Variants in RFWD3 observed in about 807,000 individuals in gnomAD.
RFWD3 encodes the protein ring finger and WD repeat domain 3, also known as E3 ubiquitin-protein ligase RFWD3.
Under a neutral mutation model 87.7 loss-of-function variants are expected in RFWD3, and 65 were observed. That is an observed-to-expected ratio of 0.74 (90% CI 0.61 to 0.91). The LOEUF is 0.91. RFWD3 is among the 40% of genes least tolerant of loss of function. The pLI, the probability that RFWD3 is intolerant of heterozygous loss-of-function variation, is 0.00. For missense variants in RFWD3, 1,078 were observed against 938.5 expected, an observed-to-expected ratio of 1.15 and a Z score of -1.94; for synonymous variants, 433 against 352.8, an observed-to-expected ratio of 1.23 and a Z score of -2.55.
chr16:74,635,008 C>T (rs1463226162), intron 8 of RFWD3, among the ~76,000 whole-genome samples: 4 of 151,958 alleles, frequency 2.6e-5, no homozygotes, highest in Non-Finnish European at 5.9e-5. Context: ...TAGCCGGGCG[C>T]GGTGGCTCAC....
chr16:74,636,822 T>G (rs893914484), intron 7 of RFWD3, among the ~76,000 whole-genome samples: 1 of 151,832 alleles, frequency 6.6e-6, no homozygotes, highest in African/African-American at 2.4e-5. Context: ...CAAGCACTTC[T>G]GCCTCAGCCT....
intron 6 of RFWD3, among the ~76,000 whole-genome samples, chr16:74,642,490 C>T (rs1023025670): frequency 5.3e-5 from 8 of 151,334 alleles, no homozygotes; most frequent in Non-Finnish European, 8.8e-5. Flanking sequence ...CCTTCTTGAC[C>T]TGGTCAACAG....
chr16:74,640,713 G>C (rs1228145766), intron 6 of RFWD3, among the ~76,000 whole-genome samples: 1 of 151,828 alleles, frequency 6.6e-6, no homozygotes, highest in African/African-American at 2.4e-5. Flanking sequence ...GCCGAGGTGA[G>C]TGGATCACGA....
In RFWD3 at chr16:74,632,544, T is replaced by C; in HGVS notation, c.1556A>G (p.Asp519Gly). The change falls in exon 9 of 13, where the codon GAC (aspartate) becomes GGC (glycine). Residue 519 changes from aspartate to glycine, a missense_variant. Asp to Gly is a moderately conservative substitution (Grantham distance 94). Transcript: ENST00000361070. Reference sequence around the variant, plus strand: ...TCACCTGGTCAGTTTAATAGTGTTGTCTAGGGAAGCAGAGAGTAGCAAGCC... The same window carrying C: ...TCACCTGGTCAGTTTAATAGTGTTGCCTAGGGAAGCAGAGAGTAGCAAGCC... Reference protein sequence around the residue: ...LRGLLLSASLDNTIKLTSLET... With the variant: ...LRGLLLSASLGNTIKLTSLET... The C allele has an allele frequency of 6.2e-7, 1 of 1,613,946 alleles. No individual in the cohort carries two copies. Among genetic ancestry groups the C allele is most frequent in the Non-Finnish European group, 8.5e-7 (1 of 1,179,896 alleles).
intron 2 of RFWD3, among the ~76,000 whole-genome samples, chr16:74,658,151 A>G (rs977029076): frequency 6.6e-6 from 1 of 152,182 alleles, no homozygotes; most frequent in African/African-American, 2.4e-5. Flanking sequence ...GCACTTACCA[A>G]CTTTGAATTT....
At chr16:74,653,388 G>T (rs561368160) in intron 2 of RFWD3, among the ~76,000 whole-genome samples, 12 of 151,972 alleles carry the variant, frequency 7.9e-5, no homozygotes, top group Non-Finnish European at 1.6e-4. Context: ...GGCTGAGGCA[G>T]GAGGATCACT....
intron 6 of RFWD3, among the ~76,000 whole-genome samples, chr16:74,641,060 G>A (rs1033368826): frequency 6.6e-6 from 1 of 152,120 alleles, no homozygotes; most frequent in African/African-American, 2.4e-5. Flanking sequence ...AATTAAATGT[G>A]CCCTATAATA....
rs536100188 is a variant in RFWD3 at position 74,641,316 on chromosome 16, C to A, written c.1079+3046G>T. 6.6e-5 allele frequency among the ~76,000 whole-genome samples: 10 copies of A among 152,182 alleles called. No homozygotes were observed. The South Asian group carries it at 1.9e-3, about 28-fold the overall frequency. On this transcript the variant is annotated intron_variant, in intron 6 of 12. Coordinates refer to ENST00000361070, the MANE Select transcript of RFWD3 (RefSeq NM_018124.4). ...TAGCTGGGACTACAGGTGCGTGCCACCATGCCCGGCTAATTTTTGTATTTT... is the reference window on the plus strand; with the variant it reads ...TAGCTGGGACTACAGGTGCGTGCCAACATGCCCGGCTAATTTTTGTATTTT...
chr16:74,634,395 T>C (rs775355407), intron 8 of RFWD3, among the ~76,000 whole-genome samples: 1 of 151,800 alleles, frequency 6.6e-6, no homozygotes, highest in Non-Finnish European at 1.5e-5. Flanking sequence ...TATATATATA[T>C]ATATTTTGAG....
chr16:74,644,480 G>A (rs561796027), intron 5 of RFWD3, 27 bp from the exon 6 acceptor site: 14 of 1,614,036 alleles, frequency 8.7e-6, no homozygotes, highest in South Asian at 6.6e-5. Context: ...GACATAATTA[G>A]AGTGGTTCTA....
chr16:74,628,958 G>A (rs2144043997), intron 10 of RFWD3, among the ~76,000 whole-genome samples: 1 of 152,274 alleles, frequency 6.6e-6, no homozygotes, highest in South Asian at 2.1e-4. Flanking sequence ...AAGCTTGACT[G>A]ATGTGAAGCT....
chr16:74,633,597 G>A (rs564668844), intron 8 of RFWD3, among the ~76,000 whole-genome samples: 47 of 152,282 alleles, frequency 3.1e-4, no homozygotes, highest in South Asian at 6.2e-4. Flanking sequence ...GCTGGGGATG[G>A]GAGAGGAGGG....
At position 74,630,774 on chromosome 16, in the gene RFWD3, T is replaced by C. The variant is rs1406508114; in HGVS notation, c.1754+7A>G. 1.3e-6 allele frequency: 2 copies of C among 1,586,896 alleles called. No individual in the cohort carries two copies. Among genetic ancestry groups the C allele is most frequent in the South Asian group, 1.1e-5 (1 of 87,412 alleles). The stretch of plus-strand genomic sequence containing the variant: ...TACCACCAGGAAAAGAGTGAGTGGC[T>C]CCCTACCTGGCTTTCTGAGCTACTA... On this transcript the variant is annotated splice_region_variant and intron_variant, in intron 10 of 12. Coordinates refer to ENST00000361070, the MANE Select transcript of RFWD3 (RefSeq NM_018124.4).
At chr16:74,643,990 T>G (rs1412563701) in intron 6 of RFWD3, 1 of 282,588 alleles carries the variant, frequency 3.5e-6, no homozygotes, top group Non-Finnish European at 7.0e-6. Flanking sequence ...GCAACTGTTT[T>G]GTGCTTCCGA....
At chr16:74,627,394 C>T (rs1200425908) in intron 11 of RFWD3, among the ~76,000 whole-genome samples, 1 of 152,094 alleles carries the variant, frequency 6.6e-6, no homozygotes, top group Non-Finnish European at 1.5e-5. Flanking sequence ...GCCCACTTGT[C>T]CCTCCCCTCC....
intron 4 of RFWD3, among the ~76,000 whole-genome samples, chr16:74,646,848 G>T (rs954346729): frequency 6.6e-6 from 1 of 152,138 alleles, no homozygotes; most frequent in African/African-American, 2.4e-5. Flanking sequence ...CGAAGCGGGC[G>T]GATCACCAGG....
intron 4 of RFWD3, among the ~76,000 whole-genome samples, chr16:74,645,614 A>C (rs1960058454): frequency 6.6e-6 from 1 of 152,132 alleles, no homozygotes; most frequent in South Asian, 2.1e-4. Context: ...TGGTCTCCCA[A>C]AGTGCTGGGA....
intron 1 of RFWD3, chr16:74,664,725 GGAGA>G (rs781279588): frequency 6.6e-6 from 1 of 150,442 alleles, no homozygotes; most frequent in Non-Finnish European, 1.5e-5. Context: ...CTCCAGACCG[GGAGA>G]GAGAGTAAGA....
rs927215587 is a variant in RFWD3, at chr16:74,661,585, G to A, written c.-2-134C>T. The A allele has an allele frequency of 9.4e-5, 78 of 827,782 alleles. No homozygotes were observed. In the South Asian group the frequency reaches 1.4e-3, roughly 15 times the overall value. The allele number at this position is 827,782 out of a possible 1,614,324, so 51.3% of individuals were successfully genotyped here. ...GCAAGACTGAGAAGCTTCAAGAGAA[G>A]ATTTTAACTACTTAAGTCAGAAGTG... On this transcript the variant is annotated intron_variant, in intron 1 of 12. Coordinates refer to ENST00000361070, the MANE Select transcript of RFWD3 (RefSeq NM_018124.4).
Sources: gnomAD v4.1 joint callset for allele counts (sites outside exome capture counted in the v4.1 genomes callset) on GRCh38, gnomAD v4.1.1 for gene constraint, MANE v1.5 for transcripts, NCBI Gene and HGNC (gene_info 2026-07-23, HGNC 2026-07-21) for gene names.